The following RBFOX1 variants were observed in gnomAD, a reference collection of about 807,000 sequenced individuals.
The protein encoded by RBFOX1 is RNA binding fox-1 homolog 1.
A neutral mutation model predicts 57.7 loss-of-function variants in RBFOX1; 8 were observed. The ratio of observed to expected loss-of-function variants is 0.14; its 90% CI spans 0.08 to 0.25. The LOEUF is 0.25. RBFOX1 is among the 10% of genes least tolerant of loss of function. The pLI, the probability that RBFOX1 is intolerant of heterozygous loss-of-function variation, is 1.00. For synonymous variants in RBFOX1, 326 were observed against 222.4 expected (o/e 1.47, Z -4.15); for missense variants, 611 against 548.5 (o/e 1.11, Z -1.14).
At chr16:6,948,975 A>G (rs2080140244) in intron 3 of RBFOX1, among the ~76,000 whole-genome samples, 1 of 152,038 alleles carries the variant, frequency 6.6e-6, no homozygotes. Flanking sequence ...AGAATGGGAT[A>G]GTTTGAGACA....
intron 1 of RBFOX1, among the ~76,000 whole-genome samples, chr16:5,417,408 G>A (rs940437075): frequency 4.6e-5 from 7 of 152,182 alleles, no homozygotes; most frequent in Non-Finnish European, 1.0e-4. Flanking sequence ...TTCTTCCACC[G>A]AGGGAGTAGA....
At position 6,216,803 on chromosome 16, in the gene RBFOX1, G is replaced by A. The variant is rs75974197; in HGVS notation, c.-126-100192G>A. Among the ~76,000 whole-genome samples, 1,494 of 151,678 alleles carry A rather than the reference G, an allele frequency of 9.8e-3. 33 individuals are homozygous for A. The highest frequency in any genetic ancestry group is 0.035 in the African/African-American group (1,429 of 41,386). ...TTTTATTTCTCACGTATATGCCTCC[G>A]AATGATTTATTTTTTAAAATGCAGC... is the stretch of plus-strand genomic sequence containing the variant. On this transcript the variant is annotated intron_variant, in intron 1 of 15. Transcript: ENST00000550418.
intron 2 of RBFOX1, among the ~76,000 whole-genome samples, chr16:6,432,281 G>A (rs2094121811): frequency 6.6e-6 from 1 of 152,064 alleles, no homozygotes; most frequent in Non-Finnish European, 1.5e-5. Flanking sequence ...AAAGTGCTCA[G>A]AAACATGCTT....
chr16:6,839,319 C>T (rs972997282), intron 3 of RBFOX1, among the ~76,000 whole-genome samples: 1 of 152,118 alleles, frequency 6.6e-6, no homozygotes, highest in Non-Finnish European at 1.5e-5. Flanking sequence ...AGTCTGAAAA[C>T]GATAACTCCT....
intron 2 of RBFOX1, among the ~76,000 whole-genome samples, chr16:6,597,534 G>T (rs1023328909): frequency 6.6e-6 from 1 of 152,064 alleles, no homozygotes; most frequent in African/African-American, 2.4e-5. Context: ...TTAGCCAGGC[G>T]TGGTTGCAGG....
At chr16:6,530,615 T>C (rs2096644225) in intron 2 of RBFOX1, among the ~76,000 whole-genome samples, 1 of 152,170 alleles carries the variant, frequency 6.6e-6, no homozygotes, top group Non-Finnish European at 1.5e-5. Context: ...AAAAAGAGAT[T>C]GAATGGATTC....
At chr16:5,990,369 A>G (rs1289322218) in intron 4 of RBFOX1, among the ~76,000 whole-genome samples, 1 of 152,230 alleles carries the variant, frequency 6.6e-6, no homozygotes, top group Non-Finnish European at 1.5e-5. Context: ...CTATAACAAC[A>G]TTATATACCA....
chr16:5,503,583 A>G (rs1395495166), intron 2 of RBFOX1, among the ~76,000 whole-genome samples: 2 of 152,188 alleles, frequency 1.3e-5, no homozygotes, highest in Admixed American at 1.3e-4. Context: ...AGCTGGGACT[A>G]TAGGTGTGAG....
At chr16:6,164,469 A>ATTT (rs35070328) in intron 1 of RBFOX1, among the ~76,000 whole-genome samples, 7,266 of 137,592 alleles carry the variant, frequency 0.053, 245 homozygotes, top group Middle Eastern at 0.14. Flanking sequence ...TGTTATATTG[A>ATTT]TTTTTTTTTT....
At chr16:6,051,517 C>T (rs1001509630) in intron 1 of RBFOX1, among the ~76,000 whole-genome samples, 13 of 151,950 alleles carry the variant, frequency 8.6e-5, no homozygotes, top group African/African-American at 2.4e-4. Context: ...TTAGTAGAGG[C>T]GGGGTTTCGC....
chr16:6,297,943 G>A (rs1353222081), intron 1 of RBFOX1, among the ~76,000 whole-genome samples: 1 of 152,170 alleles, frequency 6.6e-6, no homozygotes, highest in Non-Finnish European at 1.5e-5. Context: ...TAAAACACCT[G>A]CATTCACTAT....
chr16:5,762,182 C>G (rs2053616806), intron 3 of RBFOX1, among the ~76,000 whole-genome samples: 1 of 152,044 alleles, frequency 6.6e-6, no homozygotes, highest in African/African-American at 2.4e-5. Context: ...CCTCTTCATC[C>G]TAGACTTAAT....
intron 1 of RBFOX1, among the ~76,000 whole-genome samples, chr16:5,462,168 C>CTTTTT (rs1250754827): frequency 4.9e-5 from 2 of 40,706 alleles, no homozygotes; most frequent in East Asian, 7.2e-4. Flanking sequence ...TTCTTTCTTT[C>CTTTTT]TTTTTTTTTT....
At chr16:7,298,245 C>T (rs1369479596) in intron 4 of RBFOX1, among the ~76,000 whole-genome samples, 1 of 151,622 alleles carries the variant, frequency 6.6e-6, no homozygotes, top group Admixed American at 6.6e-5. Flanking sequence ...GAAGCATCAA[C>T]CCACCACAAT....
intron 4 of RBFOX1, among the ~76,000 whole-genome samples, chr16:5,980,471 C>A (rs1342146719): frequency 6.6e-6 from 1 of 152,178 alleles, no homozygotes; most frequent in African/African-American, 2.4e-5. Flanking sequence ...TGGCCCTGGG[C>A]AGACAGCAGA....
rs186980715 is a variant in RBFOX1 at position 6,852,407 on chromosome 16, C to A, written c.-16+197757C>A. Among the ~76,000 whole-genome samples the A allele has an allele frequency of 1.5e-3, 231 of 152,284 alleles. 2 individuals carry two copies. The highest frequency in any genetic ancestry group is 6.8e-3 in the Middle Eastern group (2 of 294). On this transcript the variant is annotated intron_variant, in intron 3 of 15. Coordinates refer to ENST00000550418, the MANE Select transcript of RBFOX1 (RefSeq NM_018723.4). ...AGTCACATCAGCAAGGAAACTATTT[C>A]CTTACAAAGTTTATAAGTTTCAGGG...
intron 11 of RBFOX1, among the ~76,000 whole-genome samples, chr16:7,646,603 G>A (rs4787053): frequency 0.58 from 88,082 of 152,104 alleles, 26,142 homozygotes; most frequent in Middle Eastern, 0.65. Flanking sequence ...GCATCTGGCA[G>A]TCTCATGCAA....
intron 5 of RBFOX1, among the ~76,000 whole-genome samples, chr16:7,569,155 C>G (rs1446176633): frequency 6.6e-6 from 1 of 152,084 alleles, no homozygotes; most frequent in African/African-American, 2.4e-5. Context: ...TGTTCTATAC[C>G]TGTGCTTTCT....
chr16:6,963,524 G>A (rs1296152749), intron 3 of RBFOX1, among the ~76,000 whole-genome samples: 2 of 152,064 alleles, frequency 1.3e-5, no homozygotes, highest in South Asian at 2.1e-4. Flanking sequence ...GCAAAGGAGT[G>A]AATGACTCAC....
Sources: gnomAD v4.1 joint callset for allele counts (sites outside exome capture counted in the v4.1 genomes callset) on GRCh38, gnomAD v4.1.1 for gene constraint, MANE v1.5 for transcripts, NCBI Gene and HGNC (gene_info 2026-07-23, HGNC 2026-07-21) for gene names.